The following FAM171B variants were observed in gnomAD, a reference collection of about 807,000 sequenced individuals.
FAM171B encodes the protein family with sequence similarity 171 member B, also known as protein FAM171B.
A neutral mutation model predicts 75.6 loss-of-function variants in FAM171B; 19 were observed. The observed-to-expected ratio is 0.25, with a 90% CI of 0.18 to 0.37. The LOEUF (loss-of-function observed/expected upper bound fraction) is 0.37, where lower values mean the gene tolerates loss of function less well. FAM171B is among the 10% of genes least tolerant of loss of function. The pLI is 1.00. For missense variants in FAM171B, 848 were observed against 982.4 expected, an observed-to-expected ratio of 0.86 and a Z score of 1.83; for synonymous variants, 367 against 361.7, an observed-to-expected ratio of 1.01 and a Z score of -0.17.
chr2:186,724,790 GT>G (rs1690007069), intron 1 of FAM171B, among the ~76,000 whole-genome samples: 2 of 152,166 alleles, frequency 1.3e-5, no homozygotes, highest in South Asian at 4.1e-4. Flanking sequence ...TCAAGGAAGT[GT>G]AAGAAGGCCA....
chr2:186,729,117 A>G (rs1414333106), intron 1 of FAM171B, among the ~76,000 whole-genome samples: 1 of 152,122 alleles, frequency 6.6e-6, no homozygotes, highest in Non-Finnish European at 1.5e-5. Flanking sequence ...AAATAGTTAA[A>G]TCTTCTCCAG....
intron 1 of FAM171B, among the ~76,000 whole-genome samples, chr2:186,708,865 G>C (rs936993150): frequency 1.3e-5 from 2 of 152,156 alleles, no homozygotes; most frequent in African/African-American, 4.8e-5. Context: ...TACTTAGGTT[G>C]AAAGTAAAAG....
At position 186,761,707 on chromosome 2, in the gene FAM171B, A is replaced by T. The variant is rs1485420052; in HGVS notation, c.1365A>T (p.Lys455Asn). The change falls in exon 8 of 8, where the codon AAA becomes AAT. Residue 455 changes from lysine (K) to asparagine (N), a missense_variant. By Grantham distance (94) the Lys-to-Asn change is moderately conservative. Coordinates refer to ENST00000304698, the MANE Select transcript of FAM171B (RefSeq NM_177454.4). ...CAGAAGAAAGAGTTTCCATGGTAAAAACTCGGGACGATTTTAAAATCTACA... is the reference window on the plus strand; with the variant it reads ...CAGAAGAAAGAGTTTCCATGGTAAATACTCGGGACGATTTTAAAATCTACA... ...AETEERVSMVKTRDDFKIYNE... is the reference protein window; with the variant it reads ...AETEERVSMVNTRDDFKIYNE... 2.5e-6 allele frequency: 4 copies of T among 1,612,898 alleles called. No homozygotes were observed. In the East Asian group the frequency reaches 8.9e-5, roughly 36 times the overall value.
In FAM171B at chr2:186,761,917, C is replaced by G. The variant is rs781685970; in HGVS notation, c.1575C>G (p.Ser525=). 1 of 1,613,100 alleles carries G rather than the reference C, an allele frequency of 6.2e-7. No individual in the cohort carries two copies. The highest frequency in any genetic ancestry group is 8.5e-7 in the Non-Finnish European group (1 of 1,179,696). The change falls in exon 8 of 8, where the codon TCC becomes TCG. Residue 525 remains serine, a synonymous_variant. Coordinates refer to ENST00000304698, the MANE Select transcript of FAM171B (RefSeq NM_177454.4). ...GTAATGAGGAGGCGTATGGGCGTTC[C>G]CATATTCCTGAACAGCTTATGCATA... is the stretch of plus-strand genomic sequence containing the variant. ...LTGNEEAYGR[S]HIPEQLMHIY...
chr2:186,710,596 G>T (rs979597349), intron 1 of FAM171B, among the ~76,000 whole-genome samples: 1 of 152,116 alleles, frequency 6.6e-6, no homozygotes, highest in Non-Finnish European at 1.5e-5. Context: ...AACACCGTCT[G>T]TTTGGATGAT....
At chr2:186,743,833 C>G (rs1439436854) in intron 3 of FAM171B, among the ~76,000 whole-genome samples, 1 of 152,162 alleles carries the variant, frequency 6.6e-6, no homozygotes, top group East Asian at 1.9e-4. Context: ...TTCTGTTCTT[C>G]TTTCCAAATC....
At chr2:186,716,803 A>G (rs565369837) in intron 1 of FAM171B, among the ~76,000 whole-genome samples, 1 of 152,302 alleles carries the variant, frequency 6.6e-6, no homozygotes, top group East Asian at 1.9e-4. Flanking sequence ...CATAGTTAAT[A>G]GTGCAATATT....
intron 1 of FAM171B, among the ~76,000 whole-genome samples, chr2:186,733,590 C>A (rs989903998): frequency 6.6e-6 from 1 of 152,168 alleles, no homozygotes; most frequent in Non-Finnish European, 1.5e-5. Context: ...TGGCCTGGAT[C>A]CCATGCCTGC....
rs1690655086 is a variant in FAM171B at position 186,763,543 on chromosome 2, A to C, written c.*720A>C. 1 of 152,110 alleles carries C rather than the reference A, an allele frequency of 6.6e-6. No homozygotes were observed. Among genetic ancestry groups the C allele is most frequent in the Non-Finnish European group, 1.5e-5 (1 of 67,984 alleles). 9.4% of individuals were successfully genotyped at this position (152,110 alleles called of 1,614,324 possible). A position where few individuals can be genotyped will look rare whatever the true frequency, so the allele number is the denominator to read the frequency against. On this transcript the variant is annotated 3_prime_UTR_variant, in exon 8 of 8. Coordinates refer to ENST00000304698, the MANE Select transcript of FAM171B (RefSeq NM_177454.4). ...TCTAATACTGAGTTTTTATTTAAAA[A>C]TTATTTTTTCTTCCCCTCAACAATG...
chr2:186,751,644 A>G (rs990546106), intron 5 of FAM171B, among the ~76,000 whole-genome samples: 1 of 152,196 alleles, frequency 6.6e-6, no homozygotes, highest in African/African-American at 2.4e-5. Flanking sequence ...GCGTGGTTTA[A>G]GGCCATAGGG....
intron 6 of FAM171B, among the ~76,000 whole-genome samples, chr2:186,757,168 G>A (rs1255795494): frequency 2.0e-5 from 3 of 152,108 alleles, no homozygotes; most frequent in African/African-American, 7.2e-5. Context: ...GAAAGCTACA[G>A]GCTTCTAAGC....
At position 186,694,403 on chromosome 2, in the gene FAM171B, C is replaced by T. The variant is rs749278969; in HGVS notation, c.230C>T (p.Thr77Met). Reference sequence around the variant, plus strand: ...GTGCCTGGGGCAACCTCCACCTTGACGGTTCCAGGTAGGTCCTGGCTGCCC... The same window carrying T: ...GTGCCTGGGGCAACCTCCACCTTGATGGTTCCAGGTAGGTCCTGGCTGCCC... ...TEVPGATSTL[T>M]VPVSVFMLKV... is the part of the protein sequence containing the mutation. The change falls in exon 1 of 8, where the codon ACG becomes ATG. Residue 77 changes from threonine to methionine, a missense_variant. By Grantham distance (81) the Thr-to-Met change is moderately conservative. This residue lies in a region of FAM171B where 665 missense variants were observed against 729.0 expected (regional missense o/e 0.91). Transcript: ENST00000304698. 4.3e-6 allele frequency: 7 copies of T among 1,612,248 alleles called. No homozygotes were observed. Among genetic ancestry groups the T allele is most frequent in the South Asian group, 2.2e-5 (2 of 90,436 alleles).
At chr2:186,755,699 A>G (rs1574113663) in intron 6 of FAM171B, among the ~76,000 whole-genome samples, 1 of 152,020 alleles carries the variant, frequency 6.6e-6, no homozygotes, top group Non-Finnish European at 1.5e-5. Flanking sequence ...GCAAGTTTCA[A>G]TTTTCTTTTT....
chr2:186,701,415 A>G (rs549294553), intron 1 of FAM171B, among the ~76,000 whole-genome samples: 4 of 152,288 alleles, frequency 2.6e-5, no homozygotes, highest in Admixed American at 2.6e-4. Context: ...TATTCTAACT[A>G]TAGTCCTCAT....
chr2:186,703,868 G>A (rs1013875699), intron 1 of FAM171B, among the ~76,000 whole-genome samples: 17 of 151,896 alleles, frequency 1.1e-4, no homozygotes, highest in Non-Finnish European at 2.4e-4. Flanking sequence ...TGAAATAGAT[G>A]AAGAACATGC....
chr2:186,740,328 T>G lies in FAM171B; in HGVS notation c.339T>G (p.Asn113Lys). Residue 113 changes from asparagine (N) to lysine (K), a missense_variant, in exon 2 of 8, where the codon AAT (asparagine) becomes AAG (lysine). This residue lies in a region of FAM171B where 665 missense variants were observed against 729.0 expected (regional missense o/e 0.91). Transcript: ENST00000304698. ...TGTTTGTAAACTACACGAAGACAAATTCCACAGTAACTAAAAGCAATGGAG... is the reference window on the plus strand; with the variant it reads ...TGTTTGTAAACTACACGAAGACAAAGTCCACAGTAACTAAAAGCAATGGAG... ...VEVFVNYTKT[N>K]STVTKSNGAV... 6.2e-7 allele frequency: 1 copy of G among 1,614,076 alleles called. No individual in the cohort carries two copies. Among genetic ancestry groups the G allele is most frequent in the Non-Finnish European group, 8.5e-7 (1 of 1,179,964 alleles).
intron 1 of FAM171B, among the ~76,000 whole-genome samples, chr2:186,720,257 C>T (rs1175927380): frequency 2.6e-5 from 4 of 152,170 alleles, no homozygotes; most frequent in Non-Finnish European, 4.4e-5. Flanking sequence ...AGGCTGATCT[C>T]GAACTTCTGA....
rs888226146 is a variant in FAM171B at position 186,709,286 on chromosome 2, A to C, written c.238+14875A>C. ...AGATTTGGGCAGGGACATACATCCA[A>C]ACTTCATCCAGTAGTCTCTAGAATT... On this transcript the variant is annotated intron_variant, in intron 1 of 7. Transcript: ENST00000304698. Among the ~76,000 whole-genome samples the C allele has an allele frequency of 7.9e-5, 12 of 152,288 alleles. 1 individual carries two copies. The highest frequency in any genetic ancestry group is 6.5e-4 in the Admixed American group (10 of 15,298).
intron 6 of FAM171B, among the ~76,000 whole-genome samples, chr2:186,756,876 G>A (rs912996365): frequency 2.0e-5 from 3 of 152,014 alleles, no homozygotes; most frequent in Admixed American, 6.6e-5. Flanking sequence ...AGAAATCAGG[G>A]GAACACTTAC....
Sources: gnomAD v4.1 joint callset for allele counts (sites outside exome capture counted in the v4.1 genomes callset) on GRCh38, gnomAD v4.1.1 for gene constraint, gnomAD v4.1.1 regional missense constraint, MANE v1.5 for transcripts, NCBI Gene and HGNC (gene_info 2026-07-23, HGNC 2026-07-21) for gene names.